Variants in CDH18 observed in about 807,000 individuals in gnomAD.
The protein encoded by CDH18 is cadherin 18, also known as cadherin-18.
A neutral mutation model predicts 67.9 loss-of-function variants in CDH18; 31 were observed. That is an observed-to-expected ratio of 0.46 (90% CI 0.34 to 0.62). The LOEUF is 0.62. CDH18 is among the 20% of genes least tolerant of loss of function. CDH18 has a pLI of 0.01. For missense variants in CDH18, 890 were observed against 975.5 expected (o/e 0.91, Z 1.17); for synonymous variants, 362 against 347.2 (o/e 1.04, Z -0.48).
chr5:19,887,965 C>T (rs2150075096), intron 2 of CDH18, among the ~76,000 whole-genome samples: 1 of 152,118 alleles, frequency 6.6e-6, no homozygotes, highest in South Asian at 2.1e-4. Context: ...TCAAAAAGGC[C>T]ATGCATACAC....
intron 5 of CDH18, among the ~76,000 whole-genome samples, chr5:19,658,565 A>G (rs1207463271): frequency 1.3e-5 from 2 of 152,146 alleles, no homozygotes; most frequent in Non-Finnish European, 2.9e-5. Context: ...AATACTTTTA[A>G]TTTTATAACT....
At chr5:19,587,078 A>G (rs1744276839) in intron 7 of CDH18, among the ~76,000 whole-genome samples, 1 of 151,680 alleles carries the variant, frequency 6.6e-6, no homozygotes, top group African/African-American at 2.4e-5. Context: ...TTGCAAATAC[A>G]TTTAAGATAC....
At chr5:19,927,040 G>T (rs1793167390) in intron 2 of CDH18, among the ~76,000 whole-genome samples, 1 of 152,066 alleles carries the variant, frequency 6.6e-6, no homozygotes, top group African/African-American at 2.4e-5. Context: ...CATACTGTTG[G>T]CCTTGACAGT....
chr5:19,785,679 AATATATATATATAT>A (rs869169879), intron 3 of CDH18, among the ~76,000 whole-genome samples: 563 of 27,934 alleles, frequency 0.02, 8 homozygotes, highest in African/African-American at 0.03. Context: ...AAAAAAAAAA[AATATATATATATAT>A]ATATATATAT....
At chr5:20,424,974 A>C (rs906336863) in intron 1 of CDH18, among the ~76,000 whole-genome samples, 3 of 150,728 alleles carry the variant, frequency 2.0e-5, no homozygotes, top group Non-Finnish European at 4.4e-5. Context: ...GGACTGGGTC[A>C]ACCAGAAAAT....
intron 1 of CDH18, among the ~76,000 whole-genome samples, chr5:20,376,925 G>A (rs1456698723): frequency 2.6e-5 from 4 of 151,910 alleles, no homozygotes; most frequent in African/African-American, 7.2e-5. Flanking sequence ...GCTGAGGCAG[G>A]AGAATTGCTT....
intron 1 of CDH18, among the ~76,000 whole-genome samples, chr5:20,534,829 G>GTATTTATTTATTTATTTATTTATT (rs3039357): frequency 2.0e-5 from 3 of 148,106 alleles, no homozygotes; most frequent in African/African-American, 7.4e-5. Context: ...CTAAATACAT[G>GTATTTATTTATTTATTTATTTATT]TATTTATTTA....
chr5:19,973,067 T>A (rs1001794278), intron 2 of CDH18, among the ~76,000 whole-genome samples: 2 of 152,034 alleles, frequency 1.3e-5, no homozygotes, highest in African/African-American at 4.8e-5. Flanking sequence ...ACTTACGGTA[T>A]ATTTATAAAA....
intron 1 of CDH18, among the ~76,000 whole-genome samples, chr5:20,263,221 T>C (rs2126639541): frequency 6.6e-6 from 1 of 152,238 alleles, no homozygotes; most frequent in African/African-American, 2.4e-5. Context: ...GTGTGGCACT[T>C]TGAGTTGTGA....
At chr5:19,924,163 A>T (rs1024571514) in intron 2 of CDH18, among the ~76,000 whole-genome samples, 1 of 57,216 alleles carries the variant, frequency 1.7e-5, no homozygotes, top group Non-Finnish European at 4.9e-5. Context: ...TACTCAGTTG[A>T]AAAGGGCAAC....
intron 2 of CDH18, among the ~76,000 whole-genome samples, chr5:20,172,915 G>A (rs1580402243): frequency 1.3e-5 from 2 of 151,526 alleles, no homozygotes; most frequent in African/African-American, 2.4e-5. Context: ...GTTTGAACCC[G>A]AGAGGCGGAG....
chr5:20,037,915 G>T (rs1352439194), intron 2 of CDH18, among the ~76,000 whole-genome samples: 1 of 152,002 alleles, frequency 6.6e-6, no homozygotes, highest in Non-Finnish European at 1.5e-5. Flanking sequence ...GAATCCAGGA[G>T]CTAGTATTTT....
chr5:20,233,506 C>CT (rs1023652106), intron 2 of CDH18, among the ~76,000 whole-genome samples: 1 of 151,684 alleles, frequency 6.6e-6, no homozygotes, highest in Admixed American at 6.6e-5. Context: ...CTTCTGTTTT[C>CT]TTTTTTCTAA....
intron 1 of CDH18, among the ~76,000 whole-genome samples, chr5:20,391,105 G>A (rs1265090996): frequency 6.6e-6 from 1 of 151,874 alleles, no homozygotes; most frequent in Non-Finnish European, 1.5e-5. Context: ...TGCACGTTAT[G>A]CACATGTACC....
At chr5:19,711,057 G>A (rs764090125) in intron 5 of CDH18, among the ~76,000 whole-genome samples, 1 of 151,938 alleles carries the variant, frequency 6.6e-6, no homozygotes, top group Non-Finnish European at 1.5e-5. Context: ...ATATGCAGAA[G>A]AATGAAACTG....
chr5:20,304,695 C>T, intron 1 of CDH18: 1 of 1,611,508 alleles, frequency 6.2e-7, no homozygotes, highest in East Asian at 2.2e-5. Flanking sequence ...CAGATGTCAG[C>T]TCCACCTTCT....
At chr5:20,278,582 T>C (rs1488484538) in intron 1 of CDH18, among the ~76,000 whole-genome samples, 1 of 152,132 alleles carries the variant, frequency 6.6e-6, no homozygotes, top group South Asian at 2.1e-4. Context: ...TAACTTGTGA[T>C]AGCAAGTACA....
chr5:20,208,351 C>A (rs1740077626), intron 2 of CDH18, among the ~76,000 whole-genome samples: 1 of 152,096 alleles, frequency 6.6e-6, no homozygotes, highest in Admixed American at 6.6e-5. Context: ...CCAGGTCCAT[C>A]CCTCACATGT....
At position 20,389,619 on chromosome 5, in the gene CDH18, C is replaced by A. The variant is rs191203046; in HGVS notation, c.-579-134114G>T. 1.7e-3 allele frequency among the ~76,000 whole-genome samples: 260 copies of A among 152,150 alleles called. 1 individual carries two copies. Among genetic ancestry groups the A allele is most frequent in the African/African-American group, 5.7e-3 (238 of 41,522 alleles). On this transcript the variant is annotated intron_variant, in intron 1 of 14. Coordinates refer to the CDH18 transcript ENST00000507958. ...ATCAAGCTACCAATGACTTTCTTCA[C>A]AGAATTGGGAAAAACTACTTTAAAG...
Sources: allele counts gnomAD v4.1 joint callset (sites outside exome capture counted in the v4.1 genomes callset), GRCh38; gene constraint gnomAD v4.1.1; transcripts MANE v1.5; gene names NCBI Gene and HGNC (gene_info 2026-07-23, HGNC 2026-07-21).